Variants in MAPK10 observed in about 807,000 individuals in gnomAD.
MAPK10 encodes the protein JNK3 alpha protein kinase.
In MAPK10, 25 loss-of-function variants were observed where a neutral mutation model predicts 59.3. The observed-to-expected ratio is 0.42, with a 90% CI of 0.31 to 0.59. The LOEUF (loss-of-function observed/expected upper bound fraction) is 0.59. Ranked by LOEUF, MAPK10 falls within the 20% of genes least tolerant of loss-of-function variation. MAPK10 has a pLI of 0.15. For synonymous variants in MAPK10, 190 were observed against 200.5 expected (o/e 0.95, Z 0.44); for missense variants, 351 against 568.9 (o/e 0.62, Z 3.90).
At chr4:86,207,006 C>G (rs2084232043) in intron 2 of MAPK10, among the ~76,000 whole-genome samples, 1 of 151,988 alleles carries the variant, frequency 6.6e-6, no homozygotes, top group East Asian at 1.9e-4. Context: ...TGCCTGTTCA[C>G]TCTGATAGTA....
intron 2 of MAPK10, chr4:86,268,209 G>A (rs539970365): frequency 4.0e-4 from 59 of 146,536 alleles, no homozygotes; most frequent in African/African-American, 1.4e-3. Context: ...ATTTACATGT[G>A]ATCCTTGGTT....
chr4:86,482,450 T>C (rs1057221903), intron 1 of MAPK10, among the ~76,000 whole-genome samples: 4 of 152,164 alleles, frequency 2.6e-5, no homozygotes, highest in Non-Finnish European at 5.9e-5. Context: ...TTCATCTTGC[T>C]CTTTTTCTAG....
intron 4 of MAPK10, among the ~76,000 whole-genome samples, chr4:86,129,367 A>G (rs1399787064): frequency 3.9e-5 from 6 of 152,182 alleles, no homozygotes; most frequent in South Asian, 2.1e-4. Context: ...ATTATTTTTG[A>G]TAAGACCAAT....
At chr4:86,453,767 T>C (rs905832668), upstream of MAPK10, among the ~76,000 whole-genome samples, 15 of 152,044 alleles carry the variant, frequency 9.9e-5, no homozygotes, top group African/African-American at 2.9e-4. Flanking sequence ...CCACAGCTGA[T>C]GCTCTCTTGA....
At chr4:86,479,834 A>C (rs1338273736) in intron 1 of MAPK10, among the ~76,000 whole-genome samples, 2 of 152,178 alleles carry the variant, frequency 1.3e-5, no homozygotes, top group South Asian at 4.1e-4. Flanking sequence ...CAATAATTCT[A>C]TAAGACAAAT....
At chr4:86,517,353 G>T (rs1467078849) in intron 1 of MAPK10, among the ~76,000 whole-genome samples, 1 of 136,588 alleles carries the variant, frequency 7.3e-6, no homozygotes, top group East Asian at 2.1e-4. Flanking sequence ...TCGGCTCACT[G>T]CAAGCTCCGC....
Position 86,359,833 on chromosome 4 carries a change from T to A in MAPK10, c.-297A>T. 1.0e-6 allele frequency: 1 copy of A among 985,394 alleles called. No individual in the cohort carries two copies. Among genetic ancestry groups the A allele is most frequent in the Non-Finnish European group, 1.2e-6 (1 of 829,860 alleles). 61.0% of individuals were successfully genotyped at this position (985,394 alleles called of 1,614,324 possible). On this transcript the variant is annotated 5_prime_UTR_variant, in exon 1 of 14. Transcript: ENST00000641462. The stretch of plus-strand genomic sequence containing the variant: ...TTTCCAAGAAAACCCAATCTTAAAC[T>A]CACTCAAGCCCCTAGGAATTGAGGG...
chr4:86,197,143 T>G (rs368566249), intron 2 of MAPK10, among the ~76,000 whole-genome samples: 2 of 152,288 alleles, frequency 1.3e-5, no homozygotes, highest in Middle Eastern at 3.4e-3. Context: ...TATAAATTAC[T>G]TTGGGCAGTA....
At chr4:86,209,279 A>G (rs956336129) in intron 2 of MAPK10, among the ~76,000 whole-genome samples, 2 of 152,176 alleles carry the variant, frequency 1.3e-5, no homozygotes, top group African/African-American at 4.8e-5. Context: ...TAAGAAGCAC[A>G]TGAAAATGAC....
intron 11 of MAPK10, among the ~76,000 whole-genome samples, chr4:86,039,759 G>A (rs1242226037): frequency 1.3e-5 from 2 of 152,188 alleles, no homozygotes; most frequent in African/African-American, 4.8e-5. Flanking sequence ...CTCTACAGAT[G>A]TAGGCAAATA....
intron 2 of MAPK10, among the ~76,000 whole-genome samples, chr4:86,309,188 C>A (rs756901537): frequency 2.0e-5 from 3 of 152,284 alleles, no homozygotes; most frequent in African/African-American, 7.2e-5. Context: ...AACTTGCCTC[C>A]TTATTTAAAA....
At chr4:86,186,822 G>A (rs967771078) in intron 3 of MAPK10, among the ~76,000 whole-genome samples, 1 of 152,130 alleles carries the variant, frequency 6.6e-6, no homozygotes, top group Non-Finnish European at 1.5e-5. Context: ...TGAAGTTTAT[G>A]TAGGTGCCCT....
chr4:86,436,461 C>A (rs1466388321), intron 1 of MAPK10, among the ~76,000 whole-genome samples: 2 of 152,150 alleles, frequency 1.3e-5, no homozygotes, highest in African/African-American at 2.4e-5. Context: ...GACAAGACAG[C>A]AAACACATGG....
intron 12 of MAPK10, among the ~76,000 whole-genome samples, 167 bp from the exon 13 acceptor site, chr4:86,029,441 G>A (rs72660195): frequency 0.036 from 5,522 of 152,106 alleles, 144 homozygotes; most frequent in Middle Eastern, 0.088. Context: ...CTTGTAATTA[G>A]CAGAGAGCCT....
intron 11 of MAPK10, among the ~76,000 whole-genome samples, chr4:86,057,608 ATT>A (rs1263765196): frequency 6.7e-6 from 1 of 149,014 alleles, no homozygotes; most frequent in Non-Finnish European, 1.5e-5. Flanking sequence ...TTTTTTTTTC[ATT>A]TTTTGTTTAA....
At chr4:86,187,872 ATC>A (rs1185037632) in intron 3 of MAPK10, among the ~76,000 whole-genome samples, 7 of 152,094 alleles carry the variant, frequency 4.6e-5, no homozygotes, top group Non-Finnish European at 7.4e-5. Flanking sequence ...GCACCCATCA[ATC>A]TGTCATCTAC....
chr4:86,098,482 A>G, intron 9 of MAPK10, 42 bp downstream of exon 9: 5 of 1,609,934 alleles, frequency 3.1e-6, no homozygotes, highest in Non-Finnish European at 4.2e-6. Flanking sequence ...AAAGGGAGAG[A>G]GAACAAAACA....
rs368982706 is a variant in MAPK10, at chr4:86,023,812, AATATATATATATATAT to A, written c.1252+5369_1252+5384del. The stretch of plus-strand genomic sequence containing the variant: ...TTGGATGTTAAAAACAGATCAAATG[AATATATATATATATAT>A]ATATATATATATATATATATATAAA... On this transcript the variant is annotated intron_variant, in intron 13 of 13. Coordinates refer to ENST00000641462, the MANE Select transcript of MAPK10 (RefSeq NM_138982.4). 2.9e-4 allele frequency: 29 copies of A among 100,428 alleles called. 1 individual carries two copies. The highest frequency in any genetic ancestry group is 8.2e-4 in the African/African-American group (20 of 24,362). The allele number at this position is 100,428 out of a possible 1,614,324, so 6.2% of individuals were successfully genotyped here.
rs144883192 is a variant in MAPK10, at chr4:86,556,127, G to A, written c.-263+37783C>T. Among the ~76,000 whole-genome samples, 222 of 152,214 alleles carry A rather than the reference G, an allele frequency of 1.5e-3. 2 individuals carry two copies. The highest frequency in any genetic ancestry group is 5.1e-3 in the African/African-American group (210 of 41,538). The stretch of plus-strand genomic sequence containing the variant: ...TTTCAGAAATAGGTGGGAAATGAGG[G>A]GCTATAAACAATTCCTGAAGAAGGA... On this transcript the variant is annotated intron_variant, in intron 1 of 4. Coordinates refer to the MAPK10 transcript ENST00000502302.
Sources: allele counts gnomAD v4.1 joint callset (sites outside exome capture counted in the v4.1 genomes callset), GRCh38; gene constraint gnomAD v4.1.1; transcripts MANE v1.5; gene names NCBI Gene and HGNC (gene_info 2026-07-23, HGNC 2026-07-21).